KLHDC10: variants seen among roughly 807,000 people sequenced by gnomAD.
KLHDC10 encodes kelch domain-containing protein 10.
KLHDC10 carries 24 observed loss-of-function variants against 56.1 expected under a neutral mutation model. That is an observed-to-expected ratio of 0.43 (90% CI 0.31 to 0.60). KLHDC10 has a LOEUF of 0.60. Ranked by LOEUF, KLHDC10 falls within the 20% of genes least tolerant of loss-of-function variation. KLHDC10 has a pLI of 0.11. For missense variants in KLHDC10, 349 were observed against 567.0 expected (o/e 0.62, Z 3.91); for synonymous variants, 188 against 207.1 (o/e 0.91, Z 0.79).
Position 130,130,666 on chromosome 7 carries a change from T to C in KLHDC10, c.1249T>C (p.Phe417Leu). 6.2e-7 allele frequency: 1 copy of C among 1,614,136 alleles called. No homozygotes were observed. Among genetic ancestry groups the C allele is most frequent in the Non-Finnish European group, 8.5e-7 (1 of 1,180,022 alleles). The change falls in exon 10 of 10, where the codon TTC becomes CTC. Residue 417 changes from phenylalanine (F) to leucine (L), a missense_variant. Coordinates refer to ENST00000335420, the MANE Select transcript of KLHDC10 (RefSeq NM_014997.4). The surrounding 1 kb of genome is among the most constrained non-coding windows in gnomAD (Gnocchi z 4.2). ...ELAWEKLLAA[F>L]PNLANLSRTQ... ...GGCATGGGAGAAGCTGCTTGCGGCCTTCCCTAACCTTGCAAACCTCTCCCG... is the reference window on the plus strand; with the variant it reads ...GGCATGGGAGAAGCTGCTTGCGGCCCTCCCTAACCTTGCAAACCTCTCCCG...
At chr7:130,108,579 G>A (rs1299134236) in intron 2 of KLHDC10, among the ~76,000 whole-genome samples, 1 of 136,524 alleles carries the variant, frequency 7.3e-6, no homozygotes, top group Non-Finnish European at 1.5e-5. Context: ...AAAAAGCTGG[G>A]CGTGGTGGTG....
At chr7:130,101,969 T>A (rs1365104329) in intron 2 of KLHDC10, among the ~76,000 whole-genome samples, 1 of 73,732 alleles carries the variant, frequency 1.4e-5, no homozygotes, top group Non-Finnish European at 2.4e-5. Context: ...GACTCCCTCT[T>A]AAAAAAAAAA....
Position 130,131,915 on chromosome 7 carries a change from A to T in KLHDC10, c.*1169A>T, listed in dbSNP as rs1796406612. 6.6e-6 allele frequency: 1 copy of T among 152,062 alleles called. No individual in the cohort carries two copies. The highest frequency in any genetic ancestry group is 2.4e-5 in the African/African-American group (1 of 41,390). The allele number at this position is 152,062 out of a possible 1,614,324, so 9.4% of individuals were successfully genotyped here. A position where few individuals can be genotyped will look rare whatever the true frequency, so the allele number is the denominator to read the frequency against. On this transcript the variant is annotated 3_prime_UTR_variant, in exon 10 of 10. Transcript: ENST00000335420. ...TGCATGGTGCTGTGAATAATTGTCT[A>T]GTAATTGGATACAAGGTCTTGGGGG...
At chr7:130,099,757 T>C (rs2116874748) in intron 2 of KLHDC10, among the ~76,000 whole-genome samples, 1 of 152,254 alleles carries the variant, frequency 6.6e-6, no homozygotes, top group South Asian at 2.1e-4. Context: ...TCAGATTTGG[T>C]TTTTTAGCTA....
At chr7:130,075,790 CT>C (rs1795489843) in intron 1 of KLHDC10, among the ~76,000 whole-genome samples, 1 of 152,200 alleles carries the variant, frequency 6.6e-6, no homozygotes, top group South Asian at 2.1e-4. Flanking sequence ...TGCTGTCTTC[CT>C]TGTTCTTTTG....
chr7:130,082,985 T>G (rs1220290202), intron 1 of KLHDC10, among the ~76,000 whole-genome samples: 1 of 152,200 alleles, frequency 6.6e-6, no homozygotes, highest in Non-Finnish European at 1.5e-5. Flanking sequence ...GTATTTCTTT[T>G]GTTTGTTTCC....
intron 1 of KLHDC10, among the ~76,000 whole-genome samples, chr7:130,074,980 G>T (rs781654586): frequency 6.6e-6 from 1 of 152,132 alleles, no homozygotes; most frequent in Non-Finnish European, 1.5e-5. Context: ...ACAATAGTTT[G>T]TGAAACCTTT....
chr7:130,077,262 G>T (rs1795518059), intron 1 of KLHDC10, among the ~76,000 whole-genome samples: 1 of 142,254 alleles, frequency 7.0e-6, no homozygotes, highest in South Asian at 2.4e-4. Context: ...GGCTGAGGCA[G>T]GAGAATTGTT....
chr7:130,085,481 CAT>C (rs1795674651), intron 1 of KLHDC10, among the ~76,000 whole-genome samples: 1 of 151,664 alleles, frequency 6.6e-6, no homozygotes, highest in Non-Finnish European at 1.5e-5. Context: ...AAGAGAAAAA[CAT>C]GTTTCAAGAA....
chr7:130,114,875 C>G (rs1172928392), intron 2 of KLHDC10, among the ~76,000 whole-genome samples: 1 of 151,682 alleles, frequency 6.6e-6, no homozygotes. Flanking sequence ...GATTTCCAAG[C>G]AGAGAGAAGT....
At chr7:130,114,023 G>A (rs1309893534) in intron 2 of KLHDC10, among the ~76,000 whole-genome samples, 1 of 152,174 alleles carries the variant, frequency 6.6e-6, no homozygotes, top group African/African-American at 2.4e-5. Context: ...CCATGTATCT[G>A]TTAGGCATAA....
intron 8 of KLHDC10, 30 bp from the exon 9 acceptor site, chr7:130,129,406 GT>G (rs1796365835): frequency 2.5e-6 from 4 of 1,611,246 alleles, no homozygotes; most frequent in Non-Finnish European, 3.4e-6. Context: ...CTTTTCCTTT[GT>G]GTGATCTTGG....
rs1387874971 is a variant in KLHDC10 at position 130,079,572 on chromosome 7, G to A, written c.166+8763G>A. ...GTCGTGGTGTATTAGTATTTTAAAC[G>A]TACTGCTGGGTTCTGTTTGCTAAAC... On this transcript the variant is annotated intron_variant, in intron 1 of 9. Transcript: ENST00000335420. 7.9e-5 allele frequency among the ~76,000 whole-genome samples: 12 copies of A among 152,142 alleles called. No individual in the cohort carries two copies. In the South Asian group the frequency reaches 1.2e-3, roughly 16 times the overall value.
At chr7:130,073,367 C>T (rs1265502463) in intron 1 of KLHDC10, among the ~76,000 whole-genome samples, 1 of 145,984 alleles carries the variant, frequency 6.9e-6, no homozygotes, top group Non-Finnish European at 1.5e-5. Context: ...ACAGTCTTGG[C>T]TTACTGTAAC....
At chr7:130,072,305 C>G (rs754929681) in intron 1 of KLHDC10, among the ~76,000 whole-genome samples, 2 of 152,152 alleles carry the variant, frequency 1.3e-5, no homozygotes, top group Non-Finnish European at 2.9e-5. Context: ...CTAGAACCTG[C>G]TTGGTGCACT....
chr7:130,111,625 C>T (rs1032549198), intron 2 of KLHDC10, among the ~76,000 whole-genome samples: 1 of 152,048 alleles, frequency 6.6e-6, no homozygotes, highest in African/African-American at 2.4e-5. Context: ...GTGAGAGGAT[C>T]ACTTGAGGAA....
chr7:130,128,775 C>T (rs937256736), intron 8 of KLHDC10, among the ~76,000 whole-genome samples: 3 of 149,750 alleles, frequency 2.0e-5, no homozygotes, highest in South Asian at 2.1e-4. Context: ...CATGGTGGCT[C>T]ATGCCTGTAA....
intron 2 of KLHDC10, among the ~76,000 whole-genome samples, chr7:130,101,731 G>A (rs971302683): frequency 6.6e-6 from 1 of 152,118 alleles, no homozygotes; most frequent in African/African-American, 2.4e-5. Flanking sequence ...AGCACTTAGG[G>A]AGGCTGAAGT....
chr7:130,108,774 T>C (rs1020610931), intron 2 of KLHDC10, among the ~76,000 whole-genome samples: 1 of 151,594 alleles, frequency 6.6e-6, no homozygotes, highest in Non-Finnish European at 1.5e-5. Flanking sequence ...TCCTGTATCC[T>C]TTACCCAGAT....
Sources: gnomAD v4.1 joint callset for allele counts (sites outside exome capture counted in the v4.1 genomes callset) on GRCh38, gnomAD v4.1.1 for gene constraint, Gnocchi (gnomAD v3.1) non-coding constraint, MANE v1.5 for transcripts, NCBI Gene and HGNC (gene_info 2026-07-23, HGNC 2026-07-21) for gene names.